Variants in AFAP1 observed in about 807,000 individuals in gnomAD.
AFAP1 encodes actin filament-associated protein 1.
In AFAP1, 75 loss-of-function variants were observed where a neutral mutation model predicts 93.9. The ratio of observed to expected loss-of-function variants is 0.80; its 90% confidence interval spans 0.66 to 0.97. AFAP1 has a LOEUF of 0.97. AFAP1 is among the 50% of genes least tolerant of loss of function. AFAP1 has a pLI of 0.00. For synonymous variants in AFAP1, 517 were observed against 430.7 expected, an observed-to-expected ratio of 1.20 and a Z score of -2.48; for missense variants, 1,201 against 1,050.8, an observed-to-expected ratio of 1.14 and a Z score of -1.98.
At chr4:7,772,798 G>A in intron 16 of AFAP1, 22 bp downstream of exon 16, 2 of 1,608,552 alleles carry the variant, frequency 1.2e-6, no homozygotes, top group Non-Finnish European at 1.7e-6. Context: ...CAGCCTCCGA[G>A]GTGAGCCAGA....
At chr4:7,823,446 T>G (rs57563257) in intron 6 of AFAP1, among the ~76,000 whole-genome samples, 1 of 151,926 alleles carries the variant, frequency 6.6e-6, no homozygotes, top group Non-Finnish European at 1.5e-5. Context: ...TTGTTTTGTG[T>G]GTTTTTTAAA....
chr4:7,845,318 A>G (rs1713555547), intron 4 of AFAP1, among the ~76,000 whole-genome samples: 1 of 152,124 alleles, frequency 6.6e-6, no homozygotes, highest in African/African-American at 2.4e-5. Context: ...ACTACTCAAG[A>G]GGCTGAGGCA....
chr4:7,877,362 T>C (rs556316356), intron 1 of AFAP1, among the ~76,000 whole-genome samples: 3 of 152,256 alleles, frequency 2.0e-5, no homozygotes, highest in African/African-American at 4.8e-5. Context: ...GAAGACGCAC[T>C]GCGCCCCATC....
chr4:7,823,343 A>C (rs1237919458), intron 6 of AFAP1, among the ~76,000 whole-genome samples: 1 of 152,194 alleles, frequency 6.6e-6, no homozygotes, highest in African/African-American at 2.4e-5. Context: ...AGAAGGAAAG[A>C]AACGTAGGCC....
At chr4:7,893,797 G>A (rs1429237675) in intron 1 of AFAP1, among the ~76,000 whole-genome samples, 1 of 152,092 alleles carries the variant, frequency 6.6e-6, no homozygotes, top group Non-Finnish European at 1.5e-5. Context: ...AACGCTGCTG[G>A]CCATGGGTCG....
intron 8 of AFAP1, 149 bp from the exon 9 acceptor site, chr4:7,809,912 G>A (rs1004178544): frequency 6.0e-5 from 55 of 920,694 alleles, no homozygotes; most frequent in Non-Finnish European, 8.0e-5. Flanking sequence ...TGGCTGGAGT[G>A]CAGTGTTGTG....
chr4:7,825,119 G>A (rs1468804951), intron 6 of AFAP1, among the ~76,000 whole-genome samples: 1 of 152,110 alleles, frequency 6.6e-6, no homozygotes, highest in East Asian at 1.9e-4. Flanking sequence ...TTCTAAGAAT[G>A]CATTTATATC....
intron 8 of AFAP1, among the ~76,000 whole-genome samples, chr4:7,811,035 G>C (rs909694983): frequency 2.0e-5 from 3 of 152,234 alleles, no homozygotes; most frequent in African/African-American, 7.2e-5. Context: ...TTGGGCCAGA[G>C]AGCGACCCTC....
intron 4 of AFAP1, among the ~76,000 whole-genome samples, chr4:7,846,340 C>T (rs550040697): frequency 1.9e-4 from 29 of 152,180 alleles, no homozygotes; most frequent in Admixed American, 1.2e-3. Context: ...AAACAGTAAG[C>T]GTGGCTAGAA....
chr4:7,859,225 C>T (rs973927593), intron 3 of AFAP1, among the ~76,000 whole-genome samples: 1 of 152,182 alleles, frequency 6.6e-6, no homozygotes, highest in African/African-American at 2.4e-5. Flanking sequence ...TCAAGACCAG[C>T]CTGGCCAACA....
At chr4:7,855,181 G>A (rs1714905995) in intron 4 of AFAP1, among the ~76,000 whole-genome samples, 1 of 152,176 alleles carries the variant, frequency 6.6e-6, no homozygotes, top group African/African-American at 2.4e-5. Flanking sequence ...ATACCACAAA[G>A]AGCCATTTCT....
At chr4:7,846,061 T>C (rs1051259676) in intron 4 of AFAP1, among the ~76,000 whole-genome samples, 2 of 152,132 alleles carry the variant, frequency 1.3e-5, no homozygotes, top group Non-Finnish European at 2.9e-5. Flanking sequence ...AGAAACGCGA[T>C]GAGCGAAAGC....
chr4:7,910,952 G>A (rs1719689856), intron 1 of AFAP1, among the ~76,000 whole-genome samples: 1 of 152,104 alleles, frequency 6.6e-6, no homozygotes, highest in African/African-American at 2.4e-5. Flanking sequence ...AGCACCGAGG[G>A]GTGGATCTTC....
chr4:7,900,070 C>T (rs981729016), intron 1 of AFAP1, among the ~76,000 whole-genome samples: 11 of 152,174 alleles, frequency 7.2e-5, no homozygotes, highest in African/African-American at 2.4e-4. Flanking sequence ...GAACATCCAA[C>T]ATGTATTTGG....
chr4:7,777,575 G>T (rs1166700996), intron 14 of AFAP1: 1 of 152,248 alleles, frequency 6.6e-6, no homozygotes, highest in African/African-American at 2.4e-5. Flanking sequence ...TCGACAGCTG[G>T]TGTGGGGGTT....
At chr4:7,848,099 A>AGAAGGGAGGAAGGAAGGAAG (rs1713956978) in intron 4 of AFAP1, among the ~76,000 whole-genome samples, 1 of 116,020 alleles carries the variant, frequency 8.6e-6, no homozygotes. Flanking sequence ...AGGGAAGGAA[A>AGAAGGGAGGAAGGAAGGAAG]GAAGGAAGGA....
intron 8 of AFAP1, among the ~76,000 whole-genome samples, chr4:7,810,901 C>T (rs1719964215): frequency 6.6e-6 from 1 of 152,246 alleles, no homozygotes; most frequent in Non-Finnish European, 1.5e-5. Context: ...CATCCCGTCA[C>T]TGGCACCTCT....
At chr4:7,903,997 G>T (rs1478625132) in intron 1 of AFAP1, among the ~76,000 whole-genome samples, 1 of 150,378 alleles carries the variant, frequency 6.6e-6, no homozygotes, top group Non-Finnish European at 1.5e-5. Flanking sequence ...AAATGTGTGT[G>T]TTTATTTGGC....
In AFAP1 at chr4:7,939,664, G is replaced by A. The variant is rs1045336726; in HGVS notation, c.-11C>T. ...CAGTCGCGCCGTCTCACCTCAGGCC[G>A]CCACCTCGCAGCGCTCGCTCCTCGC... On this transcript the variant is annotated 5_prime_UTR_variant, in exon 1 of 18. Coordinates refer to ENST00000420658, the MANE Select transcript of AFAP1 (RefSeq NM_001134647.2). The surrounding 1 kb of genome is among the most constrained non-coding windows in gnomAD (Gnocchi z 5.6). The A allele has an allele frequency of 1.7e-5, 7 of 418,486 alleles. No homozygotes were observed. Among genetic ancestry groups the A allele is most frequent in the East Asian group, 1.1e-4 (1 of 9,150 alleles). 25.9% of individuals were successfully genotyped at this position (418,486 alleles called of 1,614,324 possible). A position where few individuals can be genotyped will look rare whatever the true frequency, so the allele number is the denominator to read the frequency against.
Sources: allele counts gnomAD v4.1 joint callset (sites outside exome capture counted in the v4.1 genomes callset), GRCh38; gene constraint gnomAD v4.1.1; non-coding constraint Gnocchi (gnomAD v3.1); transcripts MANE v1.5; gene names NCBI Gene and HGNC (gene_info 2026-07-23, HGNC 2026-07-21).